NUS1: variants seen among roughly 807,000 people sequenced by gnomAD.
NUS1 encodes the protein NUS1 dehydrodolichyl diphosphate synthase subunit, also known as dehydrodolichyl diphosphate synthase complex subunit NUS1.
For synonymous variants in NUS1, 135 were observed against 155.2 expected (o/e 0.87, Z 0.97); for missense variants, 292 against 382.9 (o/e 0.76, Z 1.98).
At position 117,675,922 on chromosome 6, in the gene NUS1, G is replaced by T; in HGVS notation, c.252G>T (p.Arg84=). Residue 84 remains arginine, a synonymous_variant, in exon 1 of 5, where the codon CGG becomes CGT. Coordinates refer to ENST00000368494, the MANE Select transcript of NUS1 (RefSeq NM_138459.5). ...CGTGCCTGGCAGCCGCACACCACCG[G>T]ATGCGCTGGCGCGCGGACGGTCGTT... ...GGSCLAAAHH[R]MRWRADGRSL... is the part of the protein sequence containing the mutation. 1 of 1,544,230 alleles carries T rather than the reference G, an allele frequency of 6.5e-7. No homozygotes were observed. Among genetic ancestry groups the T allele is most frequent in the Non-Finnish European group, 8.7e-7 (1 of 1,143,424 alleles).
chr6:117,685,213 A>G (rs1369013739), intron 1 of NUS1, among the ~76,000 whole-genome samples: 1 of 152,200 alleles, frequency 6.6e-6, no homozygotes, highest in East Asian at 1.9e-4. Context: ...ACTTTGCTAG[A>G]ATAATATTCT....
At chr6:117,703,256 C>T (rs1164179162) in intron 3 of NUS1, among the ~76,000 whole-genome samples, 14 of 152,160 alleles carry the variant, frequency 9.2e-5, no homozygotes, top group Admixed American at 9.2e-4. Context: ...GTAACTTTCC[C>T]AGGATTCCAA....
intron 1 of NUS1, among the ~76,000 whole-genome samples, chr6:117,678,263 A>T (rs566860422): frequency 3.3e-5 from 5 of 152,228 alleles, no homozygotes; most frequent in Non-Finnish European, 7.4e-5. Context: ...TGTTTTTTTT[A>T]AAAGAATAAG....
intron 1 of NUS1, among the ~76,000 whole-genome samples, chr6:117,682,388 C>G (rs1773074584): frequency 6.6e-6 from 1 of 151,930 alleles, no homozygotes; most frequent in African/African-American, 2.4e-5. Flanking sequence ...TTGCTTGAGC[C>G]CAGGAGTTTA....
At chr6:117,694,998 C>T (rs1407172301) in intron 3 of NUS1, among the ~76,000 whole-genome samples, 2 of 151,802 alleles carry the variant, frequency 1.3e-5, no homozygotes, top group African/African-American at 2.4e-5. Context: ...AGTTTGAGAC[C>T]AACCTGCGCA....
intron 1 of NUS1, among the ~76,000 whole-genome samples, chr6:117,688,557 C>A (rs1773172949): frequency 6.6e-6 from 1 of 152,110 alleles, no homozygotes; most frequent in African/African-American, 2.4e-5. Context: ...TTGTCCTCTT[C>A]CAGTCTTGTT....
chr6:117,699,502 A>C (rs1582474741), intron 3 of NUS1, among the ~76,000 whole-genome samples: 1 of 152,170 alleles, frequency 6.6e-6, no homozygotes, highest in Non-Finnish European at 1.5e-5. Flanking sequence ...CAGCCAAAAA[A>C]TGTAAGCCTA....
chr6:117,675,503 A>C lies in NUS1; in HGVS notation c.-168A>C, dbSNP rs949107489. 6.1e-6 allele frequency: 4 copies of C among 657,880 alleles called. No individual in the cohort carries two copies. Among genetic ancestry groups the C allele is most frequent in the South Asian group, 1.9e-5 (1 of 54,024 alleles). 40.8% of individuals were successfully genotyped at this position (657,880 alleles called of 1,614,324 possible). On this transcript the variant is annotated 5_prime_UTR_variant, in exon 1 of 5. Coordinates refer to ENST00000368494, the MANE Select transcript of NUS1 (RefSeq NM_138459.5). Reference sequence around the variant, plus strand: ...GGGGCGGGGCTGCCAAGGGAGGAGGAAGATGGCGGCGGGGGCGAGGTGAGG... The same window carrying C: ...GGGGCGGGGCTGCCAAGGGAGGAGGCAGATGGCGGCGGGGGCGAGGTGAGG...
At chr6:117,686,733 T>A (rs1449827425) in intron 1 of NUS1, among the ~76,000 whole-genome samples, 1 of 152,178 alleles carries the variant, frequency 6.6e-6, no homozygotes, top group Non-Finnish European at 1.5e-5. Flanking sequence ...GGAAACAGGA[T>A]GAATTATAAT....
intron 3 of NUS1, among the ~76,000 whole-genome samples, chr6:117,701,504 A>G (rs917554849): frequency 1.5e-4 from 23 of 152,070 alleles, no homozygotes; most frequent in African/African-American, 5.6e-4. Flanking sequence ...TCGGCCTCCC[A>G]AAGTGCTGGG....
At chr6:117,680,607 G>T (rs908510883) in intron 1 of NUS1, among the ~76,000 whole-genome samples, 1 of 152,196 alleles carries the variant, frequency 6.6e-6, no homozygotes, top group Admixed American at 6.5e-5. Flanking sequence ...GGACCTGGGC[G>T]TCTCTGTTTT....
chr6:117,681,264 A>G (rs766591619), intron 1 of NUS1, among the ~76,000 whole-genome samples: 11 of 152,166 alleles, frequency 7.2e-5, no homozygotes, highest in Non-Finnish European at 1.0e-4. Context: ...TCATATTTGT[A>G]TGTATATGTG....
At chr6:117,704,666 T>TTC (rs1372507582) in intron 4 of NUS1, among the ~76,000 whole-genome samples, 1 of 152,162 alleles carries the variant, frequency 6.6e-6, no homozygotes, top group Non-Finnish European at 1.5e-5. Flanking sequence ...ATACTACAAA[T>TTC]TCTCTCTCTC....
chr6:117,695,058 G>T (rs1582472163), intron 3 of NUS1, among the ~76,000 whole-genome samples: 1 of 151,712 alleles, frequency 6.6e-6, no homozygotes, highest in Non-Finnish European at 1.5e-5. Flanking sequence ...GCCAGGCATG[G>T]TGGCTCACGC....
chr6:117,680,850 T>G lies in NUS1; in HGVS notation c.415+4765T>G, dbSNP rs139525586. On this transcript the variant is annotated intron_variant, in intron 1 of 4. Coordinates refer to ENST00000368494, the MANE Select transcript of NUS1 (RefSeq NM_138459.5). ...AGTAAGACAACAAATTTTTTTTGTG[T>G]GCTGCTCTTTCTAGTGCTATTTCCT... Among the ~76,000 whole-genome samples the G allele has an allele frequency of 4.9e-4, 74 of 152,330 alleles. No homozygotes were observed. In the East Asian group the frequency reaches 0.012, roughly 24 times the overall value.
chr6:117,703,355 T>C (rs1193468047), intron 3 of NUS1, among the ~76,000 whole-genome samples: 2 of 152,170 alleles, frequency 1.3e-5, no homozygotes, highest in Admixed American at 6.5e-5. Context: ...CCCTTTCTTA[T>C]CAGGTAATCA....
intron 3 of NUS1, among the ~76,000 whole-genome samples, chr6:117,700,088 T>C (rs1300049134): frequency 2.0e-5 from 3 of 152,060 alleles, no homozygotes; most frequent in Non-Finnish European, 1.5e-5. Flanking sequence ...CTCTAGGACA[T>C]TGAACTGGGC....
chr6:117,692,952 C>A, intron 1 of NUS1, 90 bp from the exon 2 acceptor site: 2 of 1,052,200 alleles, frequency 1.9e-6, no homozygotes, highest in South Asian at 1.4e-5. Flanking sequence ...TCGTTTAGTT[C>A]TGGATCTAGT....
chr6:117,694,033 T>G lies in NUS1; in HGVS notation c.544T>G (p.Leu182Val), dbSNP rs1444304289. 6.2e-7 allele frequency: 1 copy of G among 1,601,608 alleles called. No individual in the cohort carries two copies. Among genetic ancestry groups the G allele is most frequent in the Non-Finnish European group, 8.5e-7 (1 of 1,175,022 alleles). ...ANSNDKDDQV[L>V]NCHLAVKVLS... ...ACATTGTTTGTTTTTTCTTCCAGTT[T>G]TAAATTGCCATTTGGCAGTGAAGGT... The change falls in exon 3 of 5, where the codon TTA becomes GTA. Residue 182 changes from leucine (L) to valine (V), a missense_variant and splice_region_variant. Transcript: ENST00000368494.
Sources: allele counts gnomAD v4.1 joint callset (sites outside exome capture counted in the v4.1 genomes callset), GRCh38; gene constraint gnomAD v4.1.1; transcripts MANE v1.5; gene names NCBI Gene and HGNC (gene_info 2026-07-23, HGNC 2026-07-21).